The following PCDH11Y variants were observed in gnomAD, a reference collection of about 807,000 sequenced individuals.
The protein encoded by PCDH11Y is protocadherin-11 Y-linked.
For missense variants in PCDH11Y, 12 were observed against 224.8 expected (o/e 0.05, Z 6.05); for synonymous variants, 9 against 83.6 (o/e 0.11, Z 4.87).
chrY:5,136,785 A>G (rs1602874228), intron 2 of PCDH11Y, among the ~76,000 whole-genome samples: 3 of 33,441 alleles, frequency 9.0e-5, no homozygotes, highest in East Asian at 1.6e-3. Flanking sequence ...GACAAAGAAA[A>G]TATTTTTTAA....
At chrY:5,325,748 T>C in intron 2 of PCDH11Y, among the ~76,000 whole-genome samples, 1 of 32,705 alleles carries the variant, frequency 3.1e-5, no homozygotes, top group Non-Finnish European at 7.5e-5. Context: ...GTATGAGTAG[T>C]TGAGAATGGA....
At chrY:5,037,491 C>A in intron 3 of PCDH11Y, 1 of 106,303 alleles carries the variant, frequency 9.4e-6, no homozygotes, top group Non-Finnish European at 2.1e-5. Context: ...ATCACTTGAA[C>A]CCGGGAGGCG....
At chrY:5,678,436 C>A in intron 4 of PCDH11Y, among the ~76,000 whole-genome samples, 1 of 32,514 alleles carries the variant, frequency 3.1e-5, no homozygotes, top group Non-Finnish European at 7.5e-5. Context: ...AAAACAGAAT[C>A]ATTTGCAGGA....
chrY:5,520,257 G>A, intron 3 of PCDH11Y, among the ~76,000 whole-genome samples: 1 of 24,494 alleles, frequency 4.1e-5, no homozygotes, highest in Admixed American at 4.0e-4. Context: ...TGAACTCTCA[G>A]AGTTGTGAAT....
At chrY:5,061,767 A>G in intron 1 of PCDH11Y, among the ~76,000 whole-genome samples, 1 of 33,046 alleles carries the variant, frequency 3.0e-5, no homozygotes, top group Non-Finnish European at 7.5e-5. Context: ...GAACATGAAG[A>G]TCAACTTTTT....
At chrY:5,128,802 C>T (rs1602872603) in intron 2 of PCDH11Y, among the ~76,000 whole-genome samples, 1 of 33,411 alleles carries the variant, frequency 3.0e-5, no homozygotes, top group Admixed American at 2.8e-4. Context: ...TTATTAACTT[C>T]GTAACCCTAG....
At chrY:5,696,826 T>A in intron 4 of PCDH11Y, among the ~76,000 whole-genome samples, 5 of 33,049 alleles carry the variant, frequency 1.5e-4, no homozygotes, top group Non-Finnish European at 3.7e-4. Flanking sequence ...TCTCATTAGT[T>A]TCAAATAACT....
chrY:5,013,982 C>G, intron 1 of PCDH11Y, among the ~76,000 whole-genome samples: 1 of 26,708 alleles, frequency 3.7e-5, no homozygotes, highest in African/African-American at 1.5e-4. Flanking sequence ...GGAAATAGCA[C>G]TTTGCAGTAA....
intron 2 of PCDH11Y, among the ~76,000 whole-genome samples, chrY:5,478,439 T>C (rs2053322169): frequency 3.0e-5 from 1 of 33,026 alleles, no homozygotes; most frequent in Non-Finnish European, 7.4e-5. Flanking sequence ...TTACTTCCAA[T>C]TGTGTGGTCA....
At position 5,012,794 on chromosome Y, in the gene PCDH11Y, G is replaced by C; in HGVS notation, c.-134+12189G>C. ...TCATACTCTATTATCAAAGAATAGA[G>C]AAGAAAACTTACTCTATGGTAAATA... On this transcript the variant is annotated intron_variant, in intron 1 of 5. Transcript: ENST00000333703. 1.6e-4 allele frequency among the ~76,000 whole-genome samples: 4 copies of C among 25,597 alleles called. No individual in the cohort carries two copies. In the South Asian group the frequency reaches 4.0e-3, roughly 25 times the overall value. The allele number at this position is 25,597 out of a possible 37,273, so 68.7% of individuals were successfully genotyped here.
At chrY:5,019,169 C>T (rs2052565294) in intron 1 of PCDH11Y, 1 of 33,417 alleles carries the variant, frequency 3.0e-5, no homozygotes, top group East Asian at 8.1e-4. Context: ...CAATATATTA[C>T]ATGGATTTTT....
At chrY:5,497,332 G>A in intron 2 of PCDH11Y, among the ~76,000 whole-genome samples, 1 of 33,270 alleles carries the variant, frequency 3.0e-5, no homozygotes, top group African/African-American at 1.2e-4. Flanking sequence ...TTTAATGATC[G>A]CCATTCTAAT....
intron 2 of PCDH11Y, among the ~76,000 whole-genome samples, chrY:5,115,861 C>T (rs2052809485): frequency 3.5e-5 from 1 of 28,794 alleles, no homozygotes; most frequent in Non-Finnish European, 8.1e-5. Context: ...CTGCCTCAGC[C>T]TCCTGAGTAG....
At chrY:5,082,300 TGTTCATTAAA>T (rs2052722271) in intron 1 of PCDH11Y, among the ~76,000 whole-genome samples, 6 of 33,776 alleles carry the variant, frequency 1.8e-4, no homozygotes, top group Admixed American at 2.7e-4. Flanking sequence ...TTTGTATTGA[TGTTCATTAAA>T]GATATTGGCC....
chrY:5,629,113 T>A, intron 4 of PCDH11Y, among the ~76,000 whole-genome samples: 1 of 33,724 alleles, frequency 3.0e-5, no homozygotes, highest in Non-Finnish European at 7.4e-5. Flanking sequence ...TATTGAAATA[T>A]GCCCACATTT....
chrY:5,634,114 T>G, intron 4 of PCDH11Y, among the ~76,000 whole-genome samples: 1 of 26,574 alleles, frequency 3.8e-5, no homozygotes, highest in South Asian at 9.5e-4. Context: ...CTCGGGAGGC[T>G]GAGGCAGGAG....
At chrY:5,566,015 C>G in intron 3 of PCDH11Y, among the ~76,000 whole-genome samples, 1 of 21,406 alleles carries the variant, frequency 4.7e-5, no homozygotes, top group African/African-American at 1.9e-4. Flanking sequence ...TGCTCTGTCA[C>G]CAGGCTGGAG....
At chrY:5,459,504 T>A (rs2053301358) in intron 2 of PCDH11Y, among the ~76,000 whole-genome samples, 1 of 31,612 alleles carries the variant, frequency 3.2e-5, no homozygotes, top group Non-Finnish European at 7.8e-5. Flanking sequence ...TAAATAATAA[T>A]TAGCTTGAAA....
chrY:5,368,923 G>A (rs2053184480), intron 2 of PCDH11Y, among the ~76,000 whole-genome samples: 2 of 33,346 alleles, frequency 6.0e-5, no homozygotes, highest in South Asian at 6.7e-4. Flanking sequence ...ATTGGATTTC[G>A]GATTTGCATA....
Sources: allele counts gnomAD v4.1 joint callset (sites outside exome capture counted in the v4.1 genomes callset), GRCh38; gene constraint gnomAD v4.1.1; transcripts MANE v1.5; gene names NCBI Gene and HGNC (gene_info 2026-07-23, HGNC 2026-07-21).